KIF1A: variants seen among roughly 807,000 people sequenced by gnomAD.
The protein encoded by KIF1A is kinesin-like protein KIF1A.
In KIF1A, 46 loss-of-function variants were observed where a neutral mutation model predicts 227.3. The observed-to-expected ratio is 0.20, with a 90% CI of 0.16 to 0.26. KIF1A has a LOEUF of 0.26. Ranked by LOEUF, KIF1A falls within the 10% of genes least tolerant of loss-of-function variation. The pLI is 1.00. For missense variants in KIF1A, 1,683 were observed against 2,485.9 expected, an observed-to-expected ratio of 0.68 and a Z score of 6.87; for synonymous variants, 1,022 against 1,012.8, an observed-to-expected ratio of 1.01 and a Z score of -0.17.
chr2:240,762,948 G>A lies in KIF1A; in HGVS notation c.2022+71C>T, dbSNP rs1575589949. The A allele has an allele frequency of 2.9e-6, 4 of 1,366,968 alleles. No individual in the cohort carries two copies. The East Asian group carries it at 1.0e-4, about 34-fold the overall frequency. 84.7% of individuals were successfully genotyped at this position (1,366,968 alleles called of 1,614,324 possible). Reference sequence around the variant, plus strand: ...GGGCCAGGCAAGCAGGGAGGAGTGGGGGCGTGGGAGGACAGGGGTCCCCTG... The same window carrying A: ...GGGCCAGGCAAGCAGGGAGGAGTGGAGGCGTGGGAGGACAGGGGTCCCCTG... On this transcript the variant is annotated intron_variant, in intron 22 of 48. Coordinates refer to ENST00000498729, the MANE Select transcript of KIF1A (RefSeq NM_001244008.2).
At chr2:240,821,116 C>T (rs1435380244), upstream of KIF1A, among the ~76,000 whole-genome samples, 1 of 152,232 alleles carries the variant, frequency 6.6e-6, no homozygotes, top group African/African-American at 2.4e-5. Context: ...GGCAGCTCGC[C>T]CATGGGAACC....
At chr2:240,807,209 GATCTC>G (rs916137530) in intron 1 of KIF1A, among the ~76,000 whole-genome samples, 6 of 151,568 alleles carry the variant, frequency 4.0e-5, no homozygotes, top group South Asian at 4.2e-4. Flanking sequence ...GCAATGGTGT[GATCTC>G]AGCTCACCGC....
chr2:240,800,051 A>G (rs2056821142), intron 1 of KIF1A, among the ~76,000 whole-genome samples: 1 of 151,406 alleles, frequency 6.6e-6, no homozygotes, highest in Admixed American at 6.6e-5. Flanking sequence ...CAGAGCTACA[A>G]TGATTTCCAA....
rs1441148730 is a variant in KIF1A, at chr2:240,715,806, C to G, written c.*1558G>C. On this transcript the variant is annotated 3_prime_UTR_variant, in exon 49 of 49. Transcript: ENST00000498729. Reference sequence around the variant, plus strand: ...AGTGGGGTGCTGCGTTTCCCCCACTCCAGGAGGCAGGATCTGATGAAAGTG... The same window carrying G: ...AGTGGGGTGCTGCGTTTCCCCCACTGCAGGAGGCAGGATCTGATGAAAGTG... 1.3e-5 allele frequency: 2 copies of G among 152,316 alleles called. No homozygotes were observed. The highest frequency in any genetic ancestry group is 2.9e-5 in the Non-Finnish European group (2 of 68,054). 9.4% of individuals were successfully genotyped at this position (152,316 alleles called of 1,614,324 possible).
chr2:240,728,181 A>C (rs1330563648), intron 38 of KIF1A, among the ~76,000 whole-genome samples: 1 of 152,206 alleles, frequency 6.6e-6, no homozygotes, highest in African/African-American at 2.4e-5. Context: ...CAGGGCATGG[A>C]TCTCACAAGT....
Position 240,786,378 on chromosome 2 carries a change from A to C in KIF1A, c.565T>G (p.Tyr189Asp), listed in dbSNP as rs1186519292. 6.2e-7 allele frequency: 1 copy of C among 1,613,530 alleles called. No homozygotes were observed. Among genetic ancestry groups the C allele is most frequent in the Non-Finnish European group, 8.5e-7 (1 of 1,179,786 alleles). The change falls in exon 6 of 49, where the codon TAC becomes GAC. Residue 189 changes from tyrosine (Y) to aspartate (D), a missense_variant. Physicochemically the swap from Tyr to Asp is radical, Grantham distance 160. This residue lies in a region of KIF1A where 75 missense variants were observed against 131.2 expected (regional missense o/e 0.57). Transcript: ENST00000498729. ...TCCATGAGGTCCTGGATGTCATTGT[A>C]GGAGGTGACAGCCAGCTTGGAGAGG... ...EDLSKLAVTS[Y>D]NDIQDLMDSG...
intron 1 of KIF1A, among the ~76,000 whole-genome samples, chr2:240,804,387 G>A (rs1299012451): frequency 1.3e-5 from 2 of 152,222 alleles, no homozygotes; most frequent in East Asian, 3.9e-4. Context: ...TAGAAATTCA[G>A]GATAAATAAC....
At chr2:240,817,271 C>T (rs932034181) in intron 1 of KIF1A, among the ~76,000 whole-genome samples, 2 of 152,186 alleles carry the variant, frequency 1.3e-5, no homozygotes, top group South Asian at 2.1e-4. Flanking sequence ...CCCAGCCCCC[C>T]ATGGTTCTCA....
rs1180686301 is a variant in KIF1A at position 240,789,362 on chromosome 2, C to T, written c.107-50G>A. 2.7e-6 allele frequency: 4 copies of T among 1,466,298 alleles called. No homozygotes were observed. The highest frequency in any genetic ancestry group is 3.8e-6 in the Non-Finnish European group (4 of 1,046,552). The allele number at this position is 1,466,298 out of a possible 1,614,324, so 90.8% of individuals were successfully genotyped here. The stretch of plus-strand genomic sequence containing the variant: ...AGCGCTGTGCTGGGAGGGCCCCTGA[C>T]TAGCTGGCATCTACACTCCAAGGTG... On this transcript the variant is annotated intron_variant, in intron 2 of 48. Coordinates refer to ENST00000498729, the MANE Select transcript of KIF1A (RefSeq NM_001244008.2). This position sits in a 1 kb window ranked among gnomAD's most constrained non-coding sequence, Gnocchi z 4.8.
At chr2:240,796,926 A>G (rs2056466018) in intron 2 of KIF1A, among the ~76,000 whole-genome samples, 1 of 150,472 alleles carries the variant, frequency 6.6e-6, no homozygotes, top group Non-Finnish European at 1.5e-5. Context: ...CTGGTAGATA[A>G]TAGATGAGGG....
chr2:240,801,166 G>T (rs1282114115), intron 1 of KIF1A, among the ~76,000 whole-genome samples: 3 of 151,778 alleles, frequency 2.0e-5, no homozygotes, highest in Non-Finnish European at 4.4e-5. Context: ...GAAAAAAAAA[G>T]ACACATATCT....
intron 37 of KIF1A, among the ~76,000 whole-genome samples, chr2:240,737,701 C>T (rs972742516): frequency 6.6e-6 from 1 of 152,120 alleles, no homozygotes; most frequent in Non-Finnish European, 1.5e-5. Flanking sequence ...GTTGCATGCA[C>T]TGGGGGTGTC....
rs573477979 is a variant in KIF1A at position 240,739,522 on chromosome 2, C to T, written c.3901+536G>A. Among the ~76,000 whole-genome samples, 2 of 152,238 alleles carry T rather than the reference C, an allele frequency of 1.3e-5. No homozygotes were observed. The highest frequency in any genetic ancestry group is 4.8e-5 in the African/African-American group (2 of 41,542). ...TCAAACTGAGTAAAGATGCAGTCAA[C>T]CCTGGAGCAGGATGGGCCTCTAATC... On this transcript the variant is annotated intron_variant, in intron 37 of 48. Transcript: ENST00000498729. This position sits in a 1 kb window ranked among gnomAD's most constrained non-coding sequence, Gnocchi z 5.6.
At chr2:240,791,401 G>A (rs1368264482) in intron 2 of KIF1A, among the ~76,000 whole-genome samples, 3 of 149,784 alleles carry the variant, frequency 2.0e-5, no homozygotes, top group Admixed American at 6.6e-5. Context: ...TCACTCCGCC[G>A]CACTCTGGCC....
In KIF1A at chr2:240,789,784, G is replaced by A. The variant is rs768238305; in HGVS notation, c.107-472C>T. Among the ~76,000 whole-genome samples the A allele has an allele frequency of 3.3e-5, 5 of 152,134 alleles. No homozygotes were observed. The highest frequency in any genetic ancestry group is 1.2e-4 in the African/African-American group (5 of 41,424). The stretch of plus-strand genomic sequence containing the variant: ...ATCACGTTTGTGTTACGCCTGTGCG[G>A]TTCTTCTAGGCTTGCTACTCCAGAC... On this transcript the variant is annotated intron_variant, in intron 2 of 48. Coordinates refer to ENST00000498729, the MANE Select transcript of KIF1A (RefSeq NM_001244008.2). This position sits in a 1 kb window ranked among gnomAD's most constrained non-coding sequence, Gnocchi z 4.8.
chr2:240,820,506 C>T (rs1489419352), upstream of KIF1A, among the ~76,000 whole-genome samples: 1 of 151,838 alleles, frequency 6.6e-6, no homozygotes, highest in African/African-American at 2.4e-5. The surrounding 1 kb of genome is among the most constrained non-coding windows in gnomAD (Gnocchi z 6.2). Flanking sequence ...CCCCTGAGAC[C>T]TCGCGGGGGA....
intron 38 of KIF1A, 111 bp from the exon 39 acceptor site, chr2:240,727,051 C>A: frequency 3.2e-6 from 2 of 619,140 alleles, no homozygotes; most frequent in Non-Finnish European, 5.7e-6. Context: ...CGCAAGGGAG[C>A]GGCTGGGGGC....
rs2044579111 is a variant in KIF1A, at chr2:240,716,157, G to C, written c.*1207C>G. 1 of 152,108 alleles carries C rather than the reference G, an allele frequency of 6.6e-6. No individual in the cohort carries two copies. Among genetic ancestry groups the C allele is most frequent in the African/African-American group, 2.4e-5 (1 of 41,334 alleles). 9.4% of individuals were successfully genotyped at this position (152,108 alleles called of 1,614,324 possible). On this transcript the variant is annotated 3_prime_UTR_variant, in exon 49 of 49. Transcript: ENST00000498729. ...GCTCCTTGAAGACAATAACCACCAAGCCAGCCACCCTCCATTGCCGACCGA... is the reference window on the plus strand; with the variant it reads ...GCTCCTTGAAGACAATAACCACCAACCCAGCCACCCTCCATTGCCGACCGA...
intron 1 of KIF1A, among the ~76,000 whole-genome samples, chr2:240,812,624 G>A (rs1326793734): frequency 1.4e-5 from 2 of 145,936 alleles, no homozygotes; most frequent in African/African-American, 5.1e-5. Flanking sequence ...CTCGGGATCT[G>A]CCTTCACCTC....
Sources: allele counts gnomAD v4.1 joint callset (sites outside exome capture counted in the v4.1 genomes callset), GRCh38; gene constraint gnomAD v4.1.1; regional missense constraint gnomAD v4.1.1; non-coding constraint Gnocchi (gnomAD v3.1); transcripts MANE v1.5; gene names NCBI Gene and HGNC (gene_info 2026-07-23, HGNC 2026-07-21).